Variants in C1orf185 observed in about 807,000 individuals in gnomAD.
C1orf185 encodes uncharacterized protein C1orf185.
In C1orf185, 13 loss-of-function variants were observed where a neutral mutation model predicts 16.1. The ratio of observed to expected loss-of-function variants is 0.81; its 90% confidence interval spans 0.53 to 1.28. C1orf185 has a LOEUF of 1.28. Ranked by LOEUF, C1orf185 falls within the 50% of genes most tolerant of loss-of-function variation. C1orf185 has a pLI of 0.00. For synonymous variants in C1orf185, 80 were observed against 76.9 expected (o/e 1.04, Z -0.21); for missense variants, 220 against 225.2 (o/e 0.98, Z 0.15).
intron 3 of C1orf185, among the ~76,000 whole-genome samples, chr1:51,124,501 C>A (rs1030341059): frequency 1.4e-4 from 21 of 152,200 alleles, no homozygotes; most frequent in African/African-American, 5.1e-4. Flanking sequence ...GGACAGCAAT[C>A]TTTTGTTGAA....
intron 3 of C1orf185, among the ~76,000 whole-genome samples, chr1:51,137,215 T>C (rs1646331848): frequency 6.6e-6 from 1 of 152,062 alleles, no homozygotes; most frequent in Non-Finnish European, 1.5e-5. Context: ...TGAGATACCA[T>C]CTCACCAGTC....
chr1:51,128,971 G>A (rs1646262653), intron 3 of C1orf185, among the ~76,000 whole-genome samples: 1 of 151,848 alleles, frequency 6.6e-6, no homozygotes, highest in African/African-American at 2.4e-5. Context: ...TGCAACATCT[G>A]CCTTCCTGGT....
chr1:51,151,137 G>A (rs1398103323), downstream of C1orf185, among the ~76,000 whole-genome samples: 4 of 152,176 alleles, frequency 2.6e-5, no homozygotes, highest in East Asian at 5.8e-4. Flanking sequence ...AAGTTAGCTT[G>A]AGGAGAAAAA....
chr1:51,114,258 C>T (rs1038913225), intron 2 of C1orf185, among the ~76,000 whole-genome samples: 5 of 152,174 alleles, frequency 3.3e-5, no homozygotes, highest in African/African-American at 1.2e-4. Flanking sequence ...GGCTAGAACA[C>T]GGAGTTGGAT....
At chr1:51,122,725 C>T (rs923533798) in intron 3 of C1orf185, among the ~76,000 whole-genome samples, 1 of 152,204 alleles carries the variant, frequency 6.6e-6, no homozygotes, top group Admixed American at 6.5e-5. Context: ...TAAAAGTCCT[C>T]TGTGCTTCTC....
chr1:51,109,653 T>G (rs1179180248), intron 1 of C1orf185, among the ~76,000 whole-genome samples: 3 of 152,200 alleles, frequency 2.0e-5, no homozygotes, highest in Admixed American at 2.0e-4. Context: ...AGGTTGTTCT[T>G]TCTCCGGTGA....
intron 3 of C1orf185, among the ~76,000 whole-genome samples, chr1:51,144,444 T>C (rs762608097): frequency 6.6e-6 from 1 of 152,126 alleles, no homozygotes; most frequent in African/African-American, 2.4e-5. Context: ...AAAGTGCTGG[T>C]TGGGTGCCTG....
intron 1 of C1orf185, chr1:51,107,302 C>T (rs1464342350): frequency 6.6e-6 from 1 of 152,158 alleles, no homozygotes; most frequent in African/African-American, 2.4e-5. Flanking sequence ...TCTTTCTTCT[C>T]TCATCACTAC....
At chr1:51,104,271 G>A (rs1267550770) in intron 1 of C1orf185, among the ~76,000 whole-genome samples, 2 of 152,264 alleles carry the variant, frequency 1.3e-5, no homozygotes, top group East Asian at 3.9e-4. Flanking sequence ...CAGGTAGTTT[G>A]TGAATACTCA....
chr1:51,103,327 G>A (rs1253038325), intron 1 of C1orf185, among the ~76,000 whole-genome samples: 1 of 151,238 alleles, frequency 6.6e-6, no homozygotes, highest in East Asian at 1.9e-4. Flanking sequence ...GATCAGCTGG[G>A]CCCAGGACTT....
intron 2 of C1orf185, among the ~76,000 whole-genome samples, chr1:51,118,002 C>T (rs553662456): frequency 6.6e-6 from 1 of 152,298 alleles, no homozygotes; most frequent in South Asian, 2.1e-4. Context: ...CAACCTCTAC[C>T]TCCTGAGTTC....
chr1:51,103,569 A>T (rs1385605068), intron 1 of C1orf185, among the ~76,000 whole-genome samples: 2 of 145,486 alleles, frequency 1.4e-5, no homozygotes, highest in Non-Finnish European at 3.0e-5. Flanking sequence ...AGTTTCACTC[A>T]GTCACCCAGG....
downstream of C1orf185, among the ~76,000 whole-genome samples, chr1:51,150,277 C>T (rs1378210677): frequency 5.3e-5 from 8 of 151,722 alleles, no homozygotes; most frequent in East Asian, 1.2e-3. Context: ...TTGCAACCTC[C>T]GCTTCCCAGG....
chr1:51,144,764 C>CT (rs1423922910), intron 3 of C1orf185, among the ~76,000 whole-genome samples: 2 of 152,000 alleles, frequency 1.3e-5, no homozygotes, highest in African/African-American at 4.8e-5. Context: ...CCTAAATAAG[C>CT]TTTTTTGGGA....
At chr1:51,118,850 A>G (rs1646177683) in intron 3 of C1orf185, 49 bp downstream of exon 3, 4 of 1,262,904 alleles carry the variant, frequency 3.2e-6, no homozygotes, top group Non-Finnish European at 4.2e-6. Context: ...TTCTTTTGAT[A>G]CCATGTTATT....
chr1:51,115,957 T>A (rs1036836856), intron 2 of C1orf185, among the ~76,000 whole-genome samples: 9 of 152,114 alleles, frequency 5.9e-5, no homozygotes, highest in Admixed American at 5.2e-4. Context: ...AGATACGTAG[T>A]TTATACTTTA....
At chr1:51,150,771 T>C (rs570107678), downstream of C1orf185, among the ~76,000 whole-genome samples, 3 of 152,336 alleles carry the variant, frequency 2.0e-5, no homozygotes, top group East Asian at 5.8e-4. Flanking sequence ...GTCAGAGTTA[T>C]CATCATTTTT....
At chr1:51,112,700 C>A (rs376474677) in intron 2 of C1orf185, 131 bp downstream of exon 2, 4 of 792,308 alleles carry the variant, frequency 5.0e-6, no homozygotes, top group South Asian at 5.6e-5. Context: ...GGTTATAGAC[C>A]CTTTGGTTGG....
intron 3 of C1orf185, among the ~76,000 whole-genome samples, chr1:51,121,490 G>A (rs1646197114): frequency 6.6e-6 from 1 of 151,932 alleles, no homozygotes; most frequent in African/African-American, 2.4e-5. Context: ...TTGATATTCA[G>A]TGACAGGAAC....
Sources: gnomAD v4.1 joint callset for allele counts (sites outside exome capture counted in the v4.1 genomes callset) on GRCh38, gnomAD v4.1.1 for gene constraint, MANE v1.5 for transcripts, NCBI Gene and HGNC (gene_info 2026-07-23, HGNC 2026-07-21) for gene names.